The following TMEM223 variants were observed in gnomAD, a reference collection of about 807,000 sequenced individuals.
The protein encoded by TMEM223 is transmembrane protein 223.
TMEM223 carries 14 observed loss-of-function variants against 14.1 expected under a neutral mutation model. That is an observed-to-expected ratio of 0.99 (90% CI 0.66 to 1.55). The LOEUF (loss-of-function observed/expected upper bound fraction) is 1.55, where lower values mean the gene tolerates loss of function less well. Ranked by LOEUF, TMEM223 falls within the 40% of genes most tolerant of loss-of-function variation. TMEM223 has a pLI of 0.00. For missense variants in TMEM223, 346 were observed against 269.9 expected, an observed-to-expected ratio of 1.28 and a Z score of -1.97; for synonymous variants, 145 against 120.5, an observed-to-expected ratio of 1.20 and a Z score of -1.33.
chr11:62,785,469 GGCGTGAGCCACAGC>G (rs1339356791), downstream of TMEM223, among the ~76,000 whole-genome samples: 2 of 151,860 alleles, frequency 1.3e-5, no homozygotes, highest in Non-Finnish European at 2.9e-5. Flanking sequence ...TGGGATTACA[GGCGTGAGCCACAGC>G]GCCCGGCTGG....
At chr11:62,791,655 G>A (rs770325027) in intron 1 of TMEM223, 24 bp downstream of exon 1, 3 of 1,507,028 alleles carry the variant, frequency 2.0e-6, no homozygotes, top group East Asian at 2.5e-5. Context: ...CGTTGTCACA[G>A]TGGGAAGCCA....
At chr11:62,776,537 T>C in intron 1 of TMEM223, 1 of 1,514,666 alleles carries the variant, frequency 6.6e-7, no homozygotes, top group East Asian at 2.3e-5. Context: ...AGTTCAGGGC[T>C]GGCGATGTGG....
rs1168641799 is a variant in TMEM223, at chr11:62,790,683, A to G, written c.549T>C (p.Thr183=). ...GRRFYFLLDK[T]GHFPNTKLFD... is the part of the protein sequence containing the mutation. Reference sequence around the variant, plus strand: ...AGAGTTTTGTGTTAGGGAAGTGTCCAGTTTTGTCCAAGAGGAAATAGAAGC... The same window carrying G: ...AGAGTTTTGTGTTAGGGAAGTGTCCGGTTTTGTCCAAGAGGAAATAGAAGC... Residue 183 remains threonine, a synonymous_variant, in exon 2 of 2, where the codon ACT becomes ACC. Coordinates refer to ENST00000307366, the MANE Select transcript of TMEM223 (RefSeq NM_001080501.3). The G allele has an allele frequency of 1.2e-6, 2 of 1,612,424 alleles. No individual in the cohort carries two copies. The highest frequency in any genetic ancestry group is 2.2e-5 in the South Asian group (2 of 90,780).
intron 1 of TMEM223, chr11:62,778,398 G>A: frequency 6.4e-7 from 1 of 1,572,978 alleles, no homozygotes; most frequent in Non-Finnish European, 8.7e-7. Flanking sequence ...TCTGAGGGTG[G>A]TGCCTATGTG....
intron 1 of TMEM223, 79 bp from the exon 2 acceptor site, chr11:62,790,994 A>T: frequency 1.4e-6 from 2 of 1,405,830 alleles, no homozygotes; most frequent in Non-Finnish European, 1.9e-6. Flanking sequence ...CCTCTGAATA[A>T]GAAATTTGTG....
At chr11:62,787,871 C>T, downstream of TMEM223, 1 of 590,764 alleles carries the variant, frequency 1.7e-6, no homozygotes, top group African/African-American at 1.8e-5. Context: ...AATCAGAAGC[C>T]ATTTGTGCTG....
At chr11:62,789,684 G>C (rs755371019), downstream of TMEM223, 1 of 1,539,136 alleles carries the variant, frequency 6.5e-7, no homozygotes, top group Non-Finnish European at 8.7e-7. Context: ...GCTGAAGTGA[G>C]ACCCAAGGAT....
At chr11:62,789,779 GA>G (rs1565194084), downstream of TMEM223, 4 of 1,525,394 alleles carry the variant, frequency 2.6e-6, no homozygotes, top group East Asian at 9.0e-5. Flanking sequence ...GAGAGGAGCT[GA>G]AGGGGTTGTC....
chr11:62,776,921 G>A (rs1300663153), intron 1 of TMEM223, among the ~76,000 whole-genome samples: 2 of 151,764 alleles, frequency 1.3e-5, no homozygotes, highest in African/African-American at 2.4e-5. Flanking sequence ...GGTGGAGGCC[G>A]GCGGATCACG....
chr11:62,781,250 A>AT (rs1565188731), intron 1 of TMEM223, among the ~76,000 whole-genome samples: 1 of 151,916 alleles, frequency 6.6e-6, no homozygotes. Flanking sequence ...AAAAAAAAAA[A>AT]AGAAAAAGAA....
In TMEM223 at chr11:62,779,974, A is replaced by ATTTTTT. The variant is rs1432226168; in HGVS notation, c.315-5310_315-5309insAAAAAA. Among the ~76,000 whole-genome samples the ATTTTTT allele has an allele frequency of 7.5e-3, 564 of 74,820 alleles. 9 individuals are homozygous for ATTTTTT. Among genetic ancestry groups the ATTTTTT allele is most frequent in the African/African-American group, 0.027 (530 of 19,800 alleles). 49.1% of individuals were successfully genotyped at this position (74,820 alleles called of 152,430 possible). A position where few individuals can be genotyped will look rare whatever the true frequency, so the allele number is the denominator to read the frequency against. ...AGCCTATATATATATATATATATATATATTTTTTTTTTTTTTTTTTTTAGA... is the reference window on the plus strand; with the variant it reads ...AGCCTATATATATATATATATATATATTTTTTTATTTTTTTTTTTTTTTTTTTTAGA... On this transcript the variant is annotated intron_variant, in intron 1 of 2. Transcript: ENST00000528367.
chr11:62,787,196 C>A (rs2084290716), downstream of TMEM223: 1 of 1,588,666 alleles, frequency 6.3e-7, no homozygotes, highest in Non-Finnish European at 8.5e-7. Context: ...GGGCCTAGCC[C>A]GGCCTCGCGC....
chr11:62,787,328 T>C (rs745929152), downstream of TMEM223: 35 of 1,523,224 alleles, frequency 2.3e-5, no homozygotes, highest in Non-Finnish European at 3.0e-5. Flanking sequence ...TGTAAATAAA[T>C]CCCGCCCCCG....
rs543077757 is a variant in TMEM223 at position 62,791,968 on chromosome 11, G to A, written c.27C>T (p.Pro9=). 1.9e-5 allele frequency: 29 copies of A among 1,565,154 alleles called. No individual in the cohort carries two copies. The South Asian group carries it at 2.1e-4, about 11-fold the overall frequency. MAAPWRRW[P]TGLLAVLRPL... is the part of the protein sequence containing the mutation. ...GCCGCAGCACGGCTAGCAGCCCCGTGGGCCATCGCCTCCAAGGCGCCGCCA... is the reference window on the plus strand; with the variant it reads ...GCCGCAGCACGGCTAGCAGCCCCGTAGGCCATCGCCTCCAAGGCGCCGCCA... The change falls in exon 1 of 2, where the codon CCC becomes CCT. Residue 9 remains proline (P), a synonymous_variant. Coordinates refer to ENST00000307366, the MANE Select transcript of TMEM223 (RefSeq NM_001080501.3).
Position 62,790,039 on chromosome 11 carries a change from C to A in TMEM223, c.*584G>T. On this transcript the variant is annotated 3_prime_UTR_variant, in exon 2 of 2. Coordinates refer to ENST00000307366, the MANE Select transcript of TMEM223 (RefSeq NM_001080501.3). ...TGCTCTCGTTGGGTCACGCCTTTCC[C>A]ATTCCTGAAGAATAAGCGGAGTGCT... The A allele has an allele frequency of 6.2e-7, 1 of 1,610,052 alleles. No individual in the cohort carries two copies. Among genetic ancestry groups the A allele is most frequent in the Non-Finnish European group, 8.5e-7 (1 of 1,177,978 alleles).
Position 62,791,952 on chromosome 11 carries a change from C to T in TMEM223, c.43G>A (p.Val15Met). Residue 15 changes from valine (V) to methionine (M), a missense_variant, in exon 1 of 2, where the codon GTG becomes ATG. Physicochemically the swap from Val to Met is conservative, Grantham distance 21. Coordinates refer to ENST00000307366, the MANE Select transcript of TMEM223 (RefSeq NM_001080501.3). Reference protein sequence around the residue: ...WRRWPTGLLAVLRPLLTCRPL... With the variant: ...WRRWPTGLLAMLRPLLTCRPL... Reference sequence around the variant, plus strand: ...CGGCAGGTGAGCAGGGGCCGCAGCACGGCTAGCAGCCCCGTGGGCCATCGC... The same window carrying T: ...CGGCAGGTGAGCAGGGGCCGCAGCATGGCTAGCAGCCCCGTGGGCCATCGC... 4 of 1,582,432 alleles carry T rather than the reference C, an allele frequency of 2.5e-6. No homozygotes were observed. The highest frequency in any genetic ancestry group is 2.3e-5 in the East Asian group (1 of 43,460).
At chr11:62,787,479 C>T (rs766300248), downstream of TMEM223, 8 of 1,578,656 alleles carry the variant, frequency 5.1e-6, no homozygotes, top group African/African-American at 2.7e-5. Flanking sequence ...TCTTTGCTGC[C>T]GCCTTCCTGT....
At chr11:62,779,952 C>CTATATATATATATATATATATATATA (rs1225374367) in intron 1 of TMEM223, among the ~76,000 whole-genome samples, 1 of 100,064 alleles carries the variant, frequency 1.0e-5, no homozygotes, top group African/African-American at 4.5e-5. Context: ...AGGCGTGAGC[C>CTATATATATATATATATATATATATA]TATATATATA....
At chr11:62,778,360 C>A (rs777479253) in intron 1 of TMEM223, 4 of 1,613,968 alleles carry the variant, frequency 2.5e-6, no homozygotes, top group Non-Finnish European at 1.7e-6. Context: ...AGGAAACAGG[C>A]TCTTTGGATG....
Sources: gnomAD v4.1 joint callset for allele counts (sites outside exome capture counted in the v4.1 genomes callset) on GRCh38, gnomAD v4.1.1 for gene constraint, MANE v1.5 for transcripts, NCBI Gene and HGNC (gene_info 2026-07-23, HGNC 2026-07-21) for gene names.